ANKH: variants seen among roughly 807,000 people sequenced by gnomAD.
The protein encoded by ANKH is ANKH inorganic pyrophosphate transport regulator.
A neutral mutation model predicts 49.0 loss-of-function variants in ANKH; 15 were observed. That is an observed-to-expected ratio of 0.31 (90% CI 0.20 to 0.47). The LOEUF is 0.47. ANKH is among the 20% of genes least tolerant of loss of function. The pLI, the probability that ANKH is intolerant of heterozygous loss-of-function variation, is 1.00. For missense variants in ANKH, 429 were observed against 652.0 expected (o/e 0.66, Z 3.72); for synonymous variants, 273 against 260.0 (o/e 1.05, Z -0.48).
intron 2 of ANKH, among the ~76,000 whole-genome samples, chr5:14,765,160 G>A (rs763145717): frequency 4.6e-5 from 7 of 152,286 alleles, no homozygotes; most frequent in South Asian, 2.1e-4. Flanking sequence ...GCAGGACAAC[G>A]CAGTTTTAAA....
intron 1 of ANKH, 162 bp downstream of exon 1, chr5:14,871,190 G>A (rs1385821339): frequency 2.9e-6 from 2 of 696,092 alleles, no homozygotes; most frequent in Admixed American, 2.0e-5. Context: ...AGGGAGGGAG[G>A]GAATGGGGTG....
chr5:14,711,088 CCAAAACAAAA>C lies in ANKH; in HGVS notation c.*99_*108del. On this transcript the variant is annotated 3_prime_UTR_variant, in exon 12 of 12. Transcript: ENST00000284268. Reference sequence around the variant, plus strand: ...CTTTAAATCAAGGCCTCTTTCATTACCAAAACAAAACAAAAAAAAGGGAACAAAATACGAT... The same window carrying C: ...CTTTAAATCAAGGCCTCTTTCATTACCAAAAAAAAGGGAACAAAATACGAT... 2.9e-6 allele frequency: 3 copies of C among 1,026,988 alleles called. No individual in the cohort carries two copies. Among genetic ancestry groups the C allele is most frequent in the African/African-American group, 1.6e-5 (1 of 63,770 alleles). 63.6% of individuals were successfully genotyped at this position (1,026,988 alleles called of 1,614,324 possible).
intron 8 of ANKH, among the ~76,000 whole-genome samples, chr5:14,723,355 T>TA (rs758534481): frequency 1.6e-3 from 52 of 33,496 alleles, no homozygotes; most frequent in South Asian, 2.6e-3. Context: ...TATTCTTTTT[T>TA]TAAAAAAAAA....
Position 14,871,338 on chromosome 5 carries a change from G to C in ANKH, c.96+14C>G, listed in dbSNP as rs1022009938. 1.2e-5 allele frequency: 19 copies of C among 1,608,894 alleles called. No homozygotes were observed. The highest frequency in any genetic ancestry group is 1.6e-4 in the Middle Eastern group (1 of 6,068). On this transcript the variant is annotated intron_variant, in intron 1 of 11. Coordinates refer to ENST00000284268, the MANE Select transcript of ANKH (RefSeq NM_054027.6). ...GCAGGGCGAGCGGGCGTGGGGCGCG[G>C]GGCCGGGGCTTACCTGCTCCCCGAA...
intron 8 of ANKH, among the ~76,000 whole-genome samples, chr5:14,717,606 C>G (rs1273947794): frequency 6.6e-6 from 1 of 152,168 alleles, no homozygotes; most frequent in African/African-American, 2.4e-5. Context: ...TCCCCTTGCG[C>G]AGCTGGTGAC....
At chr5:14,849,325 G>C (rs1016619321) in intron 1 of ANKH, among the ~76,000 whole-genome samples, 1 of 152,206 alleles carries the variant, frequency 6.6e-6, no homozygotes, top group Non-Finnish European at 1.5e-5. Context: ...GTAATGGTAA[G>C]TAATGTAACA....
chr5:14,799,157 C>T (rs182988094), intron 1 of ANKH, among the ~76,000 whole-genome samples: 10 of 152,276 alleles, frequency 6.6e-5, no homozygotes, highest in African/African-American at 2.4e-4. Flanking sequence ...AAGCAAAAGC[C>T]TAATCCAGGG....
chr5:14,854,450 C>T (rs1163901816), intron 1 of ANKH, among the ~76,000 whole-genome samples: 1 of 152,134 alleles, frequency 6.6e-6, no homozygotes, highest in African/African-American at 2.4e-5. Flanking sequence ...GTGGTCGAGG[C>T]AGAAGGATCT....
At chr5:14,828,950 G>C (rs1221563955) in intron 1 of ANKH, among the ~76,000 whole-genome samples, 2 of 152,124 alleles carry the variant, frequency 1.3e-5, no homozygotes, top group Non-Finnish European at 2.9e-5. Flanking sequence ...ACTTTGGGAG[G>C]CCAAGGCAGG....
chr5:14,823,697 C>A (rs781781369), intron 1 of ANKH, among the ~76,000 whole-genome samples: 51 of 152,158 alleles, frequency 3.4e-4, no homozygotes, highest in Non-Finnish European at 8.8e-5. Context: ...GAGGCCAAGG[C>A]GGGTGGATCA....
At chr5:14,735,013 A>G (rs1168380537) in intron 8 of ANKH, among the ~76,000 whole-genome samples, 1 of 152,236 alleles carries the variant, frequency 6.6e-6, no homozygotes, top group African/African-American at 2.4e-5. Flanking sequence ...TGGACTCTGC[A>G]AAGACCTTGT....
chr5:14,871,528 G>C lies in ANKH; in HGVS notation c.-81C>G, dbSNP rs1275313554. ...GGGAGGCGAGGGGCGACGGGGCGAC[G>C]GGGCGAGCGGGGCGCGGGCCGACAG... is the stretch of plus-strand genomic sequence containing the variant. On this transcript the variant is annotated 5_prime_UTR_variant, in exon 1 of 12. Coordinates refer to ENST00000284268, the MANE Select transcript of ANKH (RefSeq NM_054027.6). The C allele has an allele frequency of 1.1e-6, 1 of 905,098 alleles. No homozygotes were observed. The highest frequency in any genetic ancestry group is 1.8e-5 in the African/African-American group (1 of 56,462). The allele number at this position is 905,098 out of a possible 1,614,324, so 56.1% of individuals were successfully genotyped here. A position where few individuals can be genotyped will look rare whatever the true frequency, so the allele number is the denominator to read the frequency against.
chr5:14,724,505 T>G (rs1259305845), intron 8 of ANKH: 1 of 971,032 alleles, frequency 1.0e-6, no homozygotes, highest in African/African-American at 1.8e-5. Flanking sequence ...GAAGGATCAG[T>G]GCAGTGATGA....
intron 7 of ANKH, 113 bp from the exon 8 acceptor site, chr5:14,742,035 G>T: frequency 1.2e-6 from 1 of 817,446 alleles, no homozygotes; most frequent in Non-Finnish European, 2.1e-6. Flanking sequence ...CTGAATTAGA[G>T]GTTTCAAGTG....
intron 9 of ANKH, among the ~76,000 whole-genome samples, chr5:14,715,428 G>A (rs1028731664): frequency 1.2e-4 from 19 of 152,016 alleles, no homozygotes; most frequent in African/African-American, 4.6e-4. Flanking sequence ...ACTGCGCCCG[G>A]CCCATGGCTC....
chr5:14,829,166 CAGAG>C (rs1025132510), intron 1 of ANKH, among the ~76,000 whole-genome samples: 2 of 123,894 alleles, frequency 1.6e-5, no homozygotes, highest in Admixed American at 9.9e-5. Context: ...GCCTGGGCGA[CAGAG>C]AGAGACTCTG....
intron 8 of ANKH, chr5:14,724,670 G>C (rs182117720): frequency 6.1e-6 from 4 of 656,642 alleles, no homozygotes; most frequent in Admixed American, 6.3e-5. Context: ...TGGTCCCCGA[G>C]CTCCCCTGGG....
intron 1 of ANKH, among the ~76,000 whole-genome samples, chr5:14,809,893 C>A (rs962923821): frequency 6.6e-6 from 1 of 152,066 alleles, no homozygotes; most frequent in Non-Finnish European, 1.5e-5. Flanking sequence ...AAAGCCACAA[C>A]AGAATGAAGA....
intron 1 of ANKH, among the ~76,000 whole-genome samples, chr5:14,796,375 T>C (rs573774068): frequency 2.5e-4 from 37 of 150,346 alleles, no homozygotes; most frequent in Non-Finnish European, 3.5e-4. Context: ...ATCGATTCAC[T>C]CTTCTCAACT....
Sources: gnomAD v4.1 joint callset for allele counts (sites outside exome capture counted in the v4.1 genomes callset) on GRCh38, gnomAD v4.1.1 for gene constraint, MANE v1.5 for transcripts, NCBI Gene and HGNC (gene_info 2026-07-23, HGNC 2026-07-21) for gene names.